CHD1: variants seen among roughly 807,000 people sequenced by gnomAD.
CHD1 encodes the protein chromodomain helicase DNA binding protein 1, also known as ATP-dependent chromatin remodeler CHD1.
CHD1 carries 36 observed loss-of-function variants against 224.2 expected under a neutral mutation model. The observed-to-expected ratio is 0.16, with a 90% CI of 0.12 to 0.21. The LOEUF (loss-of-function observed/expected upper bound fraction) is 0.21. CHD1 is among the 10% of genes least tolerant of loss of function. The pLI is 1.00. For missense variants in CHD1, 1,378 were observed against 1,994.8 expected (o/e 0.69, Z 5.89); for synonymous variants, 668 against 658.3 (o/e 1.01, Z -0.23).
intron 31 of CHD1, among the ~76,000 whole-genome samples, chr5:98,867,476 GTAT>G (rs1561484533): frequency 6.6e-6 from 1 of 151,622 alleles, no homozygotes; most frequent in African/African-American, 2.4e-5. Flanking sequence ...CATTCTTCTT[GTAT>G]TTTTTAAAAA....
intron 4 of CHD1, among the ~76,000 whole-genome samples, 193 bp downstream of exon 4, chr5:98,903,599 T>C (rs1227262413): frequency 6.6e-6 from 1 of 152,250 alleles, no homozygotes; most frequent in Non-Finnish European, 1.5e-5. Flanking sequence ...ACTGCTTATT[T>C]TGGATTAATC....
chr5:98,883,849 ATATATATATATATTTTT>A (rs1375294420), intron 18 of CHD1: 132 of 34,508 alleles, frequency 3.8e-3, no homozygotes, highest in African/African-American at 0.013. Context: ...ATATATATAT[ATATATATATATATTTTT>A]TTTTTTTTTT....
At chr5:98,919,752 C>T (rs1004604461) in intron 2 of CHD1, among the ~76,000 whole-genome samples, 16 of 152,050 alleles carry the variant, frequency 1.1e-4, no homozygotes, top group South Asian at 4.1e-4. Context: ...TGTATACAGA[C>T]GTAAGGATAC....
intron 2 of CHD1, among the ~76,000 whole-genome samples, chr5:98,913,163 T>C (rs1752530404): frequency 6.6e-6 from 1 of 152,150 alleles, no homozygotes; most frequent in Non-Finnish European, 1.5e-5. Flanking sequence ...ACTGCTTAAG[T>C]GTCAATGTCA....
intron 23 of CHD1, 139 bp from the exon 24 acceptor site, chr5:98,876,697 G>T (rs948767247): frequency 2.9e-6 from 2 of 699,722 alleles, no homozygotes; most frequent in South Asian, 4.1e-5. Context: ...AAATTAAAGA[G>T]CAAACAGAGA....
chr5:98,873,241 T>C (rs550163545), intron 26 of CHD1, among the ~76,000 whole-genome samples: 1 of 152,284 alleles, frequency 6.6e-6, no homozygotes, highest in South Asian at 2.1e-4. Context: ...ATTTGCATTA[T>C]ATTTTCCCAG....
At chr5:98,921,663 CCAAT>C (rs1207578467) in intron 2 of CHD1, among the ~76,000 whole-genome samples, 1 of 152,136 alleles carries the variant, frequency 6.6e-6, no homozygotes, top group Non-Finnish European at 1.5e-5. Context: ...CCATATATAA[CCAAT>C]CAGTCATCAA....
intron 19 of CHD1, among the ~76,000 whole-genome samples, chr5:98,882,793 G>A (rs144873258): frequency 1.6e-4 from 25 of 152,202 alleles, no homozygotes; most frequent in African/African-American, 5.1e-4. Flanking sequence ...GTTAAAATAA[G>A]CAAGTAAAGA....
At chr5:98,874,581 A>G (rs543184078) in intron 25 of CHD1, among the ~76,000 whole-genome samples, 1 of 149,424 alleles carries the variant, frequency 6.7e-6, no homozygotes, top group South Asian at 2.1e-4. Context: ...GTGTGGTGGC[A>G]TGCGCCTGTA....
chr5:98,872,174 T>C lies in CHD1; in HGVS notation c.3738A>G (p.Ala1246=). The change falls in exon 28 of 36, where the codon GCA becomes GCG. Residue 1246 remains alanine (A), a synonymous_variant. Coordinates refer to ENST00000614616, the MANE Select transcript of CHD1 (RefSeq NM_001270.4). The part of the protein sequence containing the change: ...KQYTIPCHTK[A]AHFDIDWGKE... The stretch of plus-strand genomic sequence containing the variant: ...TGCCCCAGTCTATATCAAAATGAGC[T>C]GCCTTTGTGTGGCATGGGATAGTAT... 1.2e-6 allele frequency: 2 copies of C among 1,613,812 alleles called. No individual in the cohort carries two copies. Among genetic ancestry groups the C allele is most frequent in the Non-Finnish European group, 1.7e-6 (2 of 1,179,824 alleles).
chr5:98,875,919 T>C lies in CHD1; in HGVS notation c.3398+479A>G, dbSNP rs1749713064. Among the ~76,000 whole-genome samples the C allele has an allele frequency of 2.6e-5, 4 of 152,272 alleles. 1 individual carries two copies. The South Asian group carries it at 8.3e-4, about 32-fold the overall frequency. ...TTCTGAATGGACACTACAATAAATATATCCTGCCTGGCCAATCTTACCTCA... is the reference window on the plus strand; with the variant it reads ...TTCTGAATGGACACTACAATAAATACATCCTGCCTGGCCAATCTTACCTCA... On this transcript the variant is annotated intron_variant, in intron 24 of 35. Coordinates refer to ENST00000614616, the MANE Select transcript of CHD1 (RefSeq NM_001270.4).
Position 98,856,167 on chromosome 5 carries a change from T to G in CHD1, c.*213A>C. Reference sequence around the variant, plus strand: ...TAAAAAAGAAAACAAAAAAAAGTACTACAATTTTGTAGTACAGTGCAGCAT... The same window carrying G: ...TAAAAAAGAAAACAAAAAAAAGTACGACAATTTTGTAGTACAGTGCAGCAT... On this transcript the variant is annotated 3_prime_UTR_variant, in exon 36 of 36. Coordinates refer to ENST00000614616, the MANE Select transcript of CHD1 (RefSeq NM_001270.4). The G allele has an allele frequency of 9.8e-6, 4 of 407,628 alleles. No homozygotes were observed. In the Admixed American group the frequency reaches 1.1e-4, roughly 12 times the overall value. The allele number at this position is 407,628 out of a possible 1,614,324, so 25.3% of individuals were successfully genotyped here.
chr5:98,866,127 A>C (rs1580361563), intron 31 of CHD1, among the ~76,000 whole-genome samples: 1 of 151,754 alleles, frequency 6.6e-6, no homozygotes, highest in East Asian at 1.9e-4. Context: ...AAACAAAAAC[A>C]AAAAACAAAA....
intron 2 of CHD1, among the ~76,000 whole-genome samples, chr5:98,925,911 T>G (rs1580548807): frequency 6.6e-6 from 1 of 151,510 alleles, no homozygotes; most frequent in East Asian, 1.9e-4. Flanking sequence ...TAGCCACATG[T>G]GGCTAGTGGT....
intron 2 of CHD1, among the ~76,000 whole-genome samples, chr5:98,906,593 C>T (rs1365411888): frequency 1.3e-5 from 2 of 152,064 alleles, no homozygotes; most frequent in East Asian, 3.8e-4. Context: ...TATTTAACCT[C>T]GAGACAGTCA....
chr5:98,907,247 C>T (rs1290054557), intron 2 of CHD1, among the ~76,000 whole-genome samples: 1 of 152,118 alleles, frequency 6.6e-6, no homozygotes, highest in Non-Finnish European at 1.5e-5. Flanking sequence ...ATTAGAAATA[C>T]TGAATAAAGT....
intron 35 of CHD1, 138 bp from the exon 36 acceptor site, chr5:98,856,863 T>A (rs112195321): frequency 1.4e-5 from 9 of 622,422 alleles, no homozygotes; most frequent in African/African-American, 6.1e-5. Context: ...TTATAAAACT[T>A]ACTTAATTAA....
At chr5:98,870,651 A>T (rs1373942329) in intron 29 of CHD1, 36 bp downstream of exon 29, 31 of 1,252,476 alleles carry the variant, frequency 2.5e-5, no homozygotes, top group Non-Finnish European at 3.4e-5. Flanking sequence ...CTTACTAAAA[A>T]GTAAACTGGT....
intron 4 of CHD1, among the ~76,000 whole-genome samples, 169 bp downstream of exon 4, chr5:98,903,623 T>C (rs1366837614): frequency 6.6e-6 from 1 of 152,220 alleles, no homozygotes; most frequent in Non-Finnish European, 1.5e-5. Flanking sequence ...AAAATTGGAA[T>C]TACTGGATAA....
Sources: gnomAD v4.1 joint callset for allele counts (sites outside exome capture counted in the v4.1 genomes callset) on GRCh38, gnomAD v4.1.1 for gene constraint, MANE v1.5 for transcripts, NCBI Gene and HGNC (gene_info 2026-07-23, HGNC 2026-07-21) for gene names.